The following LPAR1 variants were observed in gnomAD, a reference collection of about 807,000 sequenced individuals.
LPAR1 encodes LPA receptor 1.
A neutral mutation model predicts 23.8 loss-of-function variants in LPAR1; 5 were observed. The ratio of observed to expected loss-of-function variants is 0.21; its 90% CI spans 0.11 to 0.44. The LOEUF (loss-of-function observed/expected upper bound fraction) is 0.44. LPAR1 is among the 20% of genes least tolerant of loss of function. The probability of loss-of-function intolerance (pLI) is 0.99; values close to 1 mark genes in which losing one functional copy is unlikely to be tolerated. For missense variants in LPAR1, 311 were observed against 482.8 expected (o/e 0.64, Z 3.33); for synonymous variants, 160 against 164.7 (o/e 0.97, Z 0.22).
chr9:111,031,112 T>G (rs1276194854), intron 2 of LPAR1, among the ~76,000 whole-genome samples: 2 of 150,548 alleles, frequency 1.3e-5, no homozygotes, highest in South Asian at 4.2e-4. Flanking sequence ...ACATCTATAG[T>G]GTTTGAATCA....
chr9:110,970,873 G>A (rs1588614952), intron 4 of LPAR1, among the ~76,000 whole-genome samples: 1 of 152,114 alleles, frequency 6.6e-6, no homozygotes, highest in Non-Finnish European at 1.5e-5. Context: ...CAGTGGCTCA[G>A]GCTTGTAATC....
intron 5 of LPAR1, among the ~76,000 whole-genome samples, chr9:110,901,911 C>A (rs1158574821): frequency 1.3e-5 from 2 of 152,122 alleles, no homozygotes; most frequent in Non-Finnish European, 2.9e-5. Flanking sequence ...CCCAACTCTA[C>A]CCAAAAATAG....
intron 5 of LPAR1, among the ~76,000 whole-genome samples, chr9:110,924,238 C>CA (rs10695949): frequency 0.046 from 6,599 of 143,918 alleles, 397 homozygotes; most frequent in African/African-American, 0.13. Flanking sequence ...ATTATAATAG[C>CA]AAAAAAAAAA....
rs34483952 is a variant in LPAR1, at chr9:110,942,133, G to A, written c.81C>T (p.Asn27=). 1.9e-3 allele frequency: 3,141 copies of A among 1,613,882 alleles called. 46 individuals carry two copies. In the African/African-American group the frequency reaches 0.033, roughly 17 times the overall value. The part of the protein sequence containing the change: ...TAMNEPQCFY[N]ESIAFFYNRS... ...GGTTATAAAAGAAGGCAATGGACTC[G>A]TTGTAGAAGCACTGTGGTTCATTCA... is the stretch of plus-strand genomic sequence containing the variant. Residue 27 remains asparagine (N), a synonymous_variant, in exon 5 of 6, where the codon AAC becomes AAT. Coordinates refer to ENST00000683809, the MANE Select transcript of LPAR1 (RefSeq NM_001351411.2).
intron 5 of LPAR1, among the ~76,000 whole-genome samples, chr9:110,921,597 A>C (rs2093632790): frequency 6.6e-6 from 1 of 152,234 alleles, no homozygotes; most frequent in Non-Finnish European, 1.5e-5. Context: ...CTATGATAAA[A>C]AAAATTAAGC....
chr9:111,030,355 A>T (rs1415416926), intron 2 of LPAR1, among the ~76,000 whole-genome samples: 5 of 152,240 alleles, frequency 3.3e-5, no homozygotes, highest in African/African-American at 1.2e-4. Flanking sequence ...AAGGCAAAGC[A>T]TCCCCTTAAC....
upstream of LPAR1, among the ~76,000 whole-genome samples, chr9:111,038,991 G>C (rs73657233): frequency 0.066 from 10,035 of 152,292 alleles, 1,123 homozygotes; most frequent in African/African-American, 0.23. This position sits in a 1 kb window ranked among gnomAD's most constrained non-coding sequence, Gnocchi z 4.4. Context: ...GCAAAACCCC[G>C]GAAATGTGGC....
At chr9:111,004,153 C>T (rs113170832) in intron 2 of LPAR1, among the ~76,000 whole-genome samples, 1,549 of 152,226 alleles carry the variant, frequency 0.01, 20 homozygotes, top group African/African-American at 0.032. Flanking sequence ...TGATAGTCAC[C>T]GTCACCAATT....
At chr9:111,025,728 G>A (rs1340188814) in intron 2 of LPAR1, among the ~76,000 whole-genome samples, 4 of 152,152 alleles carry the variant, frequency 2.6e-5, no homozygotes, top group African/African-American at 4.8e-5. Context: ...TTTGTATAAG[G>A]TGTAAGGAAG....
At chr9:110,897,832 A>G (rs1193353536) in intron 5 of LPAR1, among the ~76,000 whole-genome samples, 2 of 152,126 alleles carry the variant, frequency 1.3e-5, no homozygotes, top group South Asian at 4.2e-4. Flanking sequence ...TAATGAGCAG[A>G]TATCTATACT....
intron 2 of LPAR1, among the ~76,000 whole-genome samples, chr9:111,011,955 A>C (rs2097338743): frequency 2.0e-5 from 3 of 152,200 alleles, no homozygotes; most frequent in Admixed American, 2.0e-4. Context: ...GTCTGTTAAA[A>C]ATGCAGAGTC....
At chr9:111,024,065 C>A (rs911005461) in intron 2 of LPAR1, among the ~76,000 whole-genome samples, 1 of 152,110 alleles carries the variant, frequency 6.6e-6, no homozygotes, top group Non-Finnish European at 1.5e-5. Context: ...TTTCCACTAA[C>A]TACATAGTAC....
intron 2 of LPAR1, among the ~76,000 whole-genome samples, chr9:111,030,617 G>A (rs370793310): frequency 2.7e-4 from 41 of 152,218 alleles, no homozygotes; most frequent in African/African-American, 8.4e-4. Flanking sequence ...CCCTCCTCCC[G>A]TCGTCTGAGA....
chr9:110,979,439 C>A (rs867886917), intron 2 of LPAR1, among the ~76,000 whole-genome samples: 2 of 151,998 alleles, frequency 1.3e-5, no homozygotes, highest in Non-Finnish European at 2.9e-5. Flanking sequence ...ATGACTAACT[C>A]AAAATATTTC....
chr9:110,953,205 C>T (rs569314486), intron 4 of LPAR1, among the ~76,000 whole-genome samples: 1 of 152,306 alleles, frequency 6.6e-6, no homozygotes, highest in Non-Finnish European at 1.5e-5. Flanking sequence ...AAGAATCAGC[C>T]TGCCTGGACC....
Position 110,972,070 on chromosome 9 carries a change from T to C in LPAR1, c.45+3A>G, listed in dbSNP as rs754467722. 3 of 1,613,338 alleles carry C rather than the reference T, an allele frequency of 1.9e-6. No individual in the cohort carries two copies. The highest frequency in any genetic ancestry group is 1.7e-6 in the Non-Finnish European group (2 of 1,179,430). Reference sequence around the variant, plus strand: ...CAGACCTCTGCTAGTTTGAAGCCCTTACCTGGGGCTGTGAAATTACAGGGA... The same window carrying C: ...CAGACCTCTGCTAGTTTGAAGCCCTCACCTGGGGCTGTGAAATTACAGGGA... On this transcript the variant is annotated splice_donor_region_variant and intron_variant, in intron 4 of 5. Transcript: ENST00000683809.
intron 5 of LPAR1, among the ~76,000 whole-genome samples, chr9:110,909,158 A>T (rs147153302): frequency 6.6e-6 from 1 of 152,268 alleles, no homozygotes; most frequent in Non-Finnish European, 1.5e-5. Context: ...GGTTTTAGTC[A>T]GTCAGGGAGA....
chr9:110,927,791 G>A (rs1354082477), intron 5 of LPAR1, among the ~76,000 whole-genome samples: 1 of 152,072 alleles, frequency 6.6e-6, no homozygotes, highest in African/African-American at 2.4e-5. Flanking sequence ...TAATCAATAA[G>A]TTAAGCCTTC....
chr9:110,902,493 T>C (rs1588219393), intron 5 of LPAR1, among the ~76,000 whole-genome samples: 1 of 152,050 alleles, frequency 6.6e-6, no homozygotes, highest in Non-Finnish European at 1.5e-5. Flanking sequence ...CGTGTTTGCT[T>C]CCCCTTCCAC....
Sources: gnomAD v4.1 joint callset for allele counts (sites outside exome capture counted in the v4.1 genomes callset) on GRCh38, gnomAD v4.1.1 for gene constraint, Gnocchi (gnomAD v3.1) non-coding constraint, MANE v1.5 for transcripts, NCBI Gene and HGNC (gene_info 2026-07-23, HGNC 2026-07-21) for gene names.